The following UNC5C variants were observed in gnomAD, a reference collection of about 807,000 sequenced individuals.
The protein encoded by UNC5C is netrin receptor UNC5C.
A neutral mutation model predicts 99.8 loss-of-function variants in UNC5C; 47 were observed. The observed-to-expected ratio is 0.47, with a 90% CI of 0.37 to 0.60. UNC5C has a LOEUF of 0.60. Ranked by LOEUF, UNC5C falls within the 20% of genes least tolerant of loss-of-function variation. The pLI, the probability that UNC5C is intolerant of heterozygous loss-of-function variation, is 0.00. For synonymous variants in UNC5C, 487 were observed against 452.2 expected (o/e 1.08, Z -0.98); for missense variants, 1,062 against 1,165.9 (o/e 0.91, Z 1.30).
intron 1 of UNC5C, among the ~76,000 whole-genome samples, chr4:95,408,778 CAGAA>C (rs1745896224): frequency 6.6e-6 from 1 of 152,110 alleles, no homozygotes; most frequent in South Asian, 2.1e-4. Context: ...TTTTTAAAGA[CAGAA>C]AGACATTTCT....
At chr4:95,413,093 C>T (rs1435411198) in intron 1 of UNC5C, among the ~76,000 whole-genome samples, 1 of 152,130 alleles carries the variant, frequency 6.6e-6, no homozygotes, top group Non-Finnish European at 1.5e-5. Context: ...ATAAACTCAC[C>T]TTCCCTCTTT....
chr4:95,183,047 G>T lies in UNC5C; in HGVS notation c.2301C>A (p.Tyr767Ter). 1 of 1,605,952 alleles carries T rather than the reference G, an allele frequency of 6.2e-7. No individual in the cohort carries two copies. The highest frequency in any genetic ancestry group is 8.5e-7 in the Non-Finnish European group (1 of 1,173,654). Reference protein sequence around the residue: ...LLAKYQEIPFYHVWSGSQRNL... With the variant: ...LLAKYQEIPF ...TTCTTTGAGATCCACTCCAAACATG[G>T]TAAAATGGAATTTCCTAAAGGATAT... is the stretch of plus-strand genomic sequence containing the variant. Residue 767 changes from tyrosine (Y) to a stop codon, truncating the protein, a stop_gained, in exon 14 of 16, where the codon TAC (tyrosine) becomes TAA (stop). Transcript: ENST00000453304. LOFTEE classifies it high-confidence loss of function.
intron 1 of UNC5C, among the ~76,000 whole-genome samples, chr4:95,417,196 T>C (rs1487283844): frequency 6.6e-6 from 1 of 152,208 alleles, no homozygotes; most frequent in Non-Finnish European, 1.5e-5. Context: ...CTCTGCAGTA[T>C]GAAGACTTAG....
In UNC5C at chr4:95,262,627, A is replaced by T. The variant is rs538391795; in HGVS notation, c.595-11960T>A. 3.5e-3 allele frequency among the ~76,000 whole-genome samples: 532 copies of T among 152,120 alleles called. 3 individuals carry two copies. Among genetic ancestry groups the T allele is most frequent in the African/African-American group, 0.011 (471 of 41,496 alleles). On this transcript the variant is annotated intron_variant, in intron 4 of 15. Transcript: ENST00000453304. Reference sequence around the variant, plus strand: ...AACTTGTAGTACATTTGGGTTTTTTAAAAAAAATTAACAATTTGATCCCTA... The same window carrying T: ...AACTTGTAGTACATTTGGGTTTTTTTAAAAAAATTAACAATTTGATCCCTA...
chr4:95,380,954 C>A (rs1176877293), intron 1 of UNC5C, among the ~76,000 whole-genome samples: 1 of 152,054 alleles, frequency 6.6e-6, no homozygotes, highest in Non-Finnish European at 1.5e-5. Context: ...AATTTAAAAC[C>A]TTTGTTGCAA....
At chr4:95,300,203 C>T (rs1381315211) in intron 3 of UNC5C, among the ~76,000 whole-genome samples, 2 of 152,164 alleles carry the variant, frequency 1.3e-5, no homozygotes, top group Non-Finnish European at 2.9e-5. Context: ...AGACAGGTTA[C>T]GTGGCATCCA....
intron 1 of UNC5C, among the ~76,000 whole-genome samples, chr4:95,475,968 A>G (rs1748132695): frequency 6.6e-6 from 1 of 152,128 alleles, no homozygotes; most frequent in Non-Finnish European, 1.5e-5. Flanking sequence ...TTATTATAAA[A>G]TATCAAGTAC....
intron 1 of UNC5C, among the ~76,000 whole-genome samples, chr4:95,448,227 TGAGA>T (rs1208781802): frequency 0.016 from 1,581 of 100,100 alleles, 24 homozygotes; most frequent in East Asian, 0.044. Context: ...TGTGTGTGTG[TGAGA>T]GAGAGAGAGA....
At chr4:95,401,440 T>C (rs1026331142) in intron 1 of UNC5C, among the ~76,000 whole-genome samples, 5 of 152,118 alleles carry the variant, frequency 3.3e-5, no homozygotes, top group African/African-American at 4.8e-5. Context: ...TAGCTGGGAC[T>C]ACAGGAGTGC....
At chr4:95,240,625 AACAAAC>A (rs34455164) in intron 7 of UNC5C, among the ~76,000 whole-genome samples, 24 of 152,058 alleles carry the variant, frequency 1.6e-4, no homozygotes, top group African/African-American at 4.6e-4. Flanking sequence ...TACAAACAAA[AACAAAC>A]ACAAACACAA....
Position 95,170,288 on chromosome 4 carries a change from G to C in UNC5C, c.2496C>G (p.Thr832=), listed in dbSNP as rs936390354. 6.2e-7 allele frequency: 1 copy of C among 1,614,138 alleles called. No individual in the cohort carries two copies. Among genetic ancestry groups the C allele is most frequent in the Non-Finnish European group, 8.5e-7 (1 of 1,180,030 alleles). The change falls in exon 15 of 16, where the codon ACC becomes ACG. Residue 832 remains threonine (T), a synonymous_variant. Transcript: ENST00000453304. ...CACTGGGCCCCGTGACCGTGGTGAT[G>C]GTGTTCGCAGGATCCAGCAGCGGCA... The part of the protein sequence containing the change: ...IDLPLLDPAN[T]ITTVTGPSAF...
intron 1 of UNC5C, among the ~76,000 whole-genome samples, chr4:95,356,221 A>AAAAAAAC (rs1744193630): frequency 7.4e-6 from 1 of 134,740 alleles, no homozygotes; most frequent in African/African-American, 2.9e-5. Flanking sequence ...AACAAAACAA[A>AAAAAAAC]AAAAAAACAG....
At chr4:95,536,047 C>T (rs898799771) in intron 1 of UNC5C, among the ~76,000 whole-genome samples, 1 of 147,090 alleles carries the variant, frequency 6.8e-6, no homozygotes, top group Admixed American at 7.0e-5. Context: ...GTTGGCAGTC[C>T]ATATACATAC....
At chr4:95,252,268 G>C (rs1367007146) in intron 4 of UNC5C, among the ~76,000 whole-genome samples, 1 of 152,172 alleles carries the variant, frequency 6.6e-6, no homozygotes, top group Non-Finnish European at 1.5e-5. Context: ...TAGTTTTTGA[G>C]TGGAATCTTT....
At chr4:95,296,616 C>T (rs1483190252) in intron 3 of UNC5C, among the ~76,000 whole-genome samples, 1 of 152,116 alleles carries the variant, frequency 6.6e-6, no homozygotes, top group Non-Finnish European at 1.5e-5. Flanking sequence ...TGAAACTATG[C>T]AGCTCTTAAA....
chr4:95,382,013 G>A (rs947612376), intron 1 of UNC5C, among the ~76,000 whole-genome samples: 3 of 152,146 alleles, frequency 2.0e-5, no homozygotes, highest in African/African-American at 7.2e-5. Context: ...AGGAGTCCCA[G>A]ACGAAGTAAG....
chr4:95,373,131 G>T (rs1745454960), intron 1 of UNC5C, among the ~76,000 whole-genome samples: 1 of 152,094 alleles, frequency 6.6e-6, no homozygotes, highest in Non-Finnish European at 1.5e-5. Flanking sequence ...TGGCCTCCTT[G>T]CAGGTTTCCT....
rs77459269 is a variant in UNC5C, at chr4:95,506,714, C to T, written c.124+42020G>A. 4.2e-3 allele frequency among the ~76,000 whole-genome samples: 642 copies of T among 151,802 alleles called. 4 individuals are homozygous for T. Among genetic ancestry groups the T allele is most frequent in the African/African-American group, 0.015 (612 of 41,424 alleles). The stretch of plus-strand genomic sequence containing the variant: ...TTAGCAATCTGGGGTTGTTAAATAG[C>T]TGTACTGCATTAAGAAAACTAATAA... On this transcript the variant is annotated intron_variant, in intron 1 of 15. Coordinates refer to ENST00000453304, the MANE Select transcript of UNC5C (RefSeq NM_003728.4).
chr4:95,269,792 A>G (rs1740589461), intron 4 of UNC5C, among the ~76,000 whole-genome samples: 1 of 151,868 alleles, frequency 6.6e-6, no homozygotes, highest in African/African-American at 2.4e-5. Flanking sequence ...AGCTCACTGC[A>G]ACCTCTGCCT....
Sources: gnomAD v4.1 joint callset for allele counts (sites outside exome capture counted in the v4.1 genomes callset) on GRCh38, gnomAD v4.1.1 for gene constraint, MANE v1.5 for transcripts, NCBI Gene and HGNC (gene_info 2026-07-23, HGNC 2026-07-21) for gene names.